Variants in CLTCL1 observed in about 807,000 individuals in gnomAD.
CLTCL1 encodes clathrin heavy chain 2.
CLTCL1 carries 159 observed loss-of-function variants against 190.0 expected under a neutral mutation model. That is an observed-to-expected ratio of 0.84 (90% CI 0.74 to 0.95). CLTCL1 has a LOEUF of 0.95. Ranked by LOEUF, CLTCL1 falls within the 40% of genes least tolerant of loss-of-function variation. The pLI is 0.00. For missense variants in CLTCL1, 1,878 were observed against 2,033.4 expected, an observed-to-expected ratio of 0.92 and a Z score of 1.47; for synonymous variants, 752 against 769.6, an observed-to-expected ratio of 0.98 and a Z score of 0.38.
At chr22:19,220,162 C>CA (rs2085523481) in intron 17 of CLTCL1, among the ~76,000 whole-genome samples, 155 bp from the exon 18 acceptor site, 1 of 152,204 alleles carries the variant, frequency 6.6e-6, no homozygotes, top group African/African-American at 2.4e-5. Context: ...GGATGAGCAG[C>CA]ATCCTACAGG....
Position 19,222,009 on chromosome 22 carries a change from C to T in CLTCL1, c.2503G>A (p.Ala835Thr), listed in dbSNP as rs782790344. 6 of 1,613,918 alleles carry T rather than the reference C, an allele frequency of 3.7e-6. No individual in the cohort carries two copies. In the East Asian group the frequency reaches 1.1e-4, roughly 30 times the overall value. The change falls in exon 16 of 33, where the codon GCA becomes ACA. Residue 835 changes from alanine (A) to threonine (T), a missense_variant. Coordinates refer to ENST00000427926, the MANE Select transcript of CLTCL1 (RefSeq NM_007098.4). The stretch of plus-strand genomic sequence containing the variant: ...TCAGTAGAGAACTGTCCTCTCACTG[C>T]CATGATTAAGTGTTTAATCACTTCC... ...SEEVIKHLIM[A>T]VRGQFSTDEL...
At chr22:19,279,352 G>A (rs1555985196) in intron 1 of CLTCL1, among the ~76,000 whole-genome samples, 1 of 151,888 alleles carries the variant, frequency 6.6e-6, no homozygotes, top group Non-Finnish European at 1.5e-5. Context: ...AGCTAGGCTG[G>A]TCTCGAACTC....
chr22:19,222,741 A>C lies in CLTCL1; in HGVS notation c.2361T>G (p.Leu787=). The change falls in exon 15 of 33, where the codon CTT becomes CTG. Residue 787 remains leucine (L), a synonymous_variant. Coordinates refer to ENST00000427926, the MANE Select transcript of CLTCL1 (RefSeq NM_007098.4). The stretch of plus-strand genomic sequence containing the variant: ...GGTTGTTGCGGTATAAATATAGGAC[A>C]AGGTCATGGACAAAGCCAAAACGAT... The part of the protein sequence containing the change: ...VCDRFGFVHD[L]VLYLYRNNLQ... 1 of 1,599,208 alleles carries C rather than the reference A, an allele frequency of 6.3e-7. No individual in the cohort carries two copies. Among genetic ancestry groups the C allele is most frequent in the South Asian group, 1.1e-5 (1 of 88,060 alleles).
At chr22:19,277,516 A>G (rs2087557549) in intron 1 of CLTCL1, among the ~76,000 whole-genome samples, 1 of 152,230 alleles carries the variant, frequency 6.6e-6, no homozygotes, top group South Asian at 2.1e-4. Context: ...AAAAACACAT[A>G]TAACAGCAAA....
chr22:19,214,682 C>CTTTT (rs35325953), intron 19 of CLTCL1, among the ~76,000 whole-genome samples: 1 of 130,330 alleles, frequency 7.7e-6, no homozygotes, highest in African/African-American at 2.8e-5. Flanking sequence ...ATATATTTTG[C>CTTTT]TTTTTTTTTT....
At chr22:19,235,989 G>C (rs1035500443) in intron 5 of CLTCL1, 120 bp from the exon 6 acceptor site, 1 of 899,896 alleles carries the variant, frequency 1.1e-6, no homozygotes, top group Middle Eastern at 3.5e-4. Context: ...AGATAGGGTC[G>C]TGCTCTGTCA....
At chr22:19,243,700 T>C (rs1569215889) in intron 3 of CLTCL1, among the ~76,000 whole-genome samples, 1 of 141,496 alleles carries the variant, frequency 7.1e-6, no homozygotes, top group East Asian at 2.0e-4. Flanking sequence ...TTTCTTTCTT[T>C]TTTTTTTTTT....
At chr22:19,252,611 G>T (rs569201126) in intron 3 of CLTCL1, among the ~76,000 whole-genome samples, 14 of 152,252 alleles carry the variant, frequency 9.2e-5, no homozygotes, top group African/African-American at 3.4e-4. Context: ...TCCCCACTAG[G>T]CTATAGACAA....
chr22:19,206,440 C>A (rs1360432052), intron 22 of CLTCL1, among the ~76,000 whole-genome samples: 16 of 152,152 alleles, frequency 1.1e-4, no homozygotes, highest in Admixed American at 9.2e-4. Flanking sequence ...AGATGGGGGT[C>A]TCACTATGTT....
At chr22:19,186,364 G>C (rs782695291) in intron 29 of CLTCL1, among the ~76,000 whole-genome samples, 6 of 151,980 alleles carry the variant, frequency 3.9e-5, no homozygotes, top group Non-Finnish European at 7.4e-5. Flanking sequence ...GCCAAGCAGA[G>C]GATGTTAATG....
intron 17 of CLTCL1, 64 bp downstream of exon 17, chr22:19,221,313 C>T (rs965107691): frequency 1.5e-6 from 2 of 1,305,092 alleles, no homozygotes; most frequent in Admixed American, 2.3e-5. Context: ...CCCACAGGCA[C>T]ACCTTTGAAA....
At chr22:19,200,400 C>A (rs559225526) in intron 23 of CLTCL1, among the ~76,000 whole-genome samples, 1 of 152,324 alleles carries the variant, frequency 6.6e-6, no homozygotes, top group African/African-American at 2.4e-5. Context: ...TACACCAGCA[C>A]CCTGACAAAT....
At chr22:19,240,861 A>G (rs534230003) in intron 4 of CLTCL1, among the ~76,000 whole-genome samples, 14 of 152,338 alleles carry the variant, frequency 9.2e-5, no homozygotes, top group Admixed American at 7.2e-4. Context: ...CAGAAAGGAC[A>G]CCAGGCTCTC....
intron 28 of CLTCL1, 24 bp from the exon 29 acceptor site, chr22:19,187,752 G>A (rs2084360622): frequency 6.2e-7 from 1 of 1,609,602 alleles, no homozygotes; most frequent in Admixed American, 1.7e-5. Flanking sequence ...CTTTCTGTGA[G>A]GGATGGGACA....
In CLTCL1 at chr22:19,180,826, C is replaced by T. The variant is rs1555925521; in HGVS notation, c.4828-20G>A. 1.1e-5 allele frequency: 18 copies of T among 1,612,040 alleles called. No individual in the cohort carries two copies. The highest frequency in any genetic ancestry group is 1.6e-4 in the Middle Eastern group (1 of 6,076). On this transcript the variant is annotated intron_variant, in intron 30 of 32. Coordinates refer to ENST00000427926, the MANE Select transcript of CLTCL1 (RefSeq NM_007098.4). ...GTCCACCTGCAAGGAGGCAAAAGCACGTGAGCACCCGCTTGACAGAGTGCA... is the reference window on the plus strand; with the variant it reads ...GTCCACCTGCAAGGAGGCAAAAGCATGTGAGCACCCGCTTGACAGAGTGCA...
chr22:19,271,958 C>T (rs1243873651), intron 2 of CLTCL1, among the ~76,000 whole-genome samples: 1 of 152,060 alleles, frequency 6.6e-6, no homozygotes, highest in South Asian at 2.1e-4. Context: ...AATGTTTAAA[C>T]ATTAGCTGGG....
At chr22:19,180,851 A>G (rs370422410) in intron 30 of CLTCL1, 45 bp from the exon 31 acceptor site, 25 of 1,561,108 alleles carry the variant, frequency 1.6e-5, no homozygotes, top group Non-Finnish European at 2.1e-5. Context: ...GACAGAGTGC[A>G]GTCCGGCCTC....
chr22:19,258,737 C>A, intron 2 of CLTCL1: 1 of 693,078 alleles, frequency 1.4e-6, no homozygotes, highest in Non-Finnish European at 2.7e-6. Context: ...TCCAAAAGAC[C>A]ACCACCTGCA....
chr22:19,205,909 TAACTTA>T (rs2085033381), intron 22 of CLTCL1, among the ~76,000 whole-genome samples: 1 of 148,232 alleles, frequency 6.7e-6, no homozygotes, highest in African/African-American at 2.5e-5. Context: ...TTCAAAACTT[TAACTTA>T]ATTTCCAACC....
Sources: allele counts gnomAD v4.1 joint callset (sites outside exome capture counted in the v4.1 genomes callset), GRCh38; gene constraint gnomAD v4.1.1; transcripts MANE v1.5; gene names NCBI Gene and HGNC (gene_info 2026-07-23, HGNC 2026-07-21).